Variants in TNIK observed in about 807,000 individuals in gnomAD.
The protein encoded by TNIK is TRAF2 and NCK interacting kinase, also known as TRAF2 and NCK-interacting protein kinase.
TNIK carries 49 observed loss-of-function variants against 191.3 expected under a neutral mutation model. The ratio of observed to expected loss-of-function variants is 0.26; its 90% CI spans 0.20 to 0.32. The LOEUF (loss-of-function observed/expected upper bound fraction) is 0.32. Among genes scored for constraint, TNIK ranks in the 10% least tolerant of loss-of-function variants. The pLI is 1.00. For synonymous variants in TNIK, 594 were observed against 600.9 expected, an observed-to-expected ratio of 0.99 and a Z score of 0.17; for missense variants, 1,155 against 1,702.3, an observed-to-expected ratio of 0.68 and a Z score of 5.66.
chr3:171,351,180 C>T lies in TNIK; in HGVS notation c.123+18440G>A, dbSNP rs1211408629. Among the ~76,000 whole-genome samples the T allele has an allele frequency of 2.0e-5, 3 of 151,828 alleles. No homozygotes were observed. In the East Asian group the frequency reaches 5.8e-4, roughly 29 times the overall value. ...CGCTAGGATTACAGGCCTGAGCCAC[C>T]ATGGCTGGGCTGCCCTATGTATTCT... On this transcript the variant is annotated intron_variant, in intron 2 of 32. Transcript: ENST00000436636.
At chr3:171,369,000 G>A (rs911030572) in intron 2 of TNIK, among the ~76,000 whole-genome samples, 4 of 150,032 alleles carry the variant, frequency 2.7e-5, no homozygotes, top group African/African-American at 4.9e-5. Context: ...GCCATTTTTC[G>A]TAGATTATAC....
At chr3:171,131,463 C>G (rs1729281232) in intron 15 of TNIK, among the ~76,000 whole-genome samples, 1 of 141,516 alleles carries the variant, frequency 7.1e-6, no homozygotes, top group South Asian at 2.5e-4. Context: ...TAATGTACTT[C>G]TAGTAAAAAT....
intron 9 of TNIK, among the ~76,000 whole-genome samples, chr3:171,168,703 T>C (rs548278733): frequency 1.3e-5 from 2 of 152,352 alleles, no homozygotes; most frequent in South Asian, 4.1e-4. Flanking sequence ...GGCCACACTG[T>C]GGACTAGAAA....
chr3:171,309,101 T>C (rs1753756065), intron 2 of TNIK, among the ~76,000 whole-genome samples: 1 of 152,104 alleles, frequency 6.6e-6, no homozygotes, highest in Non-Finnish European at 1.5e-5. Flanking sequence ...CATGCACATG[T>C]TATGATCACT....
intron 3 of TNIK, among the ~76,000 whole-genome samples, chr3:171,223,758 C>T (rs551147320): frequency 2.4e-4 from 37 of 152,202 alleles, no homozygotes; most frequent in African/African-American, 8.4e-4. Flanking sequence ...GTGTTAGCTA[C>T]CATTATTATT....
intron 8 of TNIK, among the ~76,000 whole-genome samples, 170 bp downstream of exon 8, chr3:171,177,155 AT>A (rs1437704989): frequency 6.6e-6 from 1 of 151,948 alleles, no homozygotes; most frequent in African/African-American, 2.4e-5. Flanking sequence ...CTGCTCTGAA[AT>A]GAATGGATTC....
chr3:171,214,086 T>C (rs940049430), intron 3 of TNIK, among the ~76,000 whole-genome samples: 1 of 152,098 alleles, frequency 6.6e-6, no homozygotes, highest in Admixed American at 6.6e-5. Flanking sequence ...TTCTAAAATA[T>C]AAATCCTTGA....
intron 7 of TNIK, among the ~76,000 whole-genome samples, chr3:171,181,836 A>C (rs1000097876): frequency 2.0e-5 from 3 of 152,220 alleles, no homozygotes; most frequent in African/African-American, 7.2e-5. Flanking sequence ...TAAGAAACGT[A>C]AGTACAGACA....
At chr3:171,243,825 G>A (rs1745265404) in intron 2 of TNIK, among the ~76,000 whole-genome samples, 1 of 151,806 alleles carries the variant, frequency 6.6e-6, no homozygotes, top group Admixed American at 6.6e-5. Context: ...TCTTATTTGG[G>A]GGAAGACACC....
intron 2 of TNIK, among the ~76,000 whole-genome samples, chr3:171,258,344 C>T (rs1747149720): frequency 6.6e-6 from 1 of 152,190 alleles, no homozygotes; most frequent in South Asian, 2.1e-4. Context: ...TAAAGAGCTA[C>T]ACTATCTCAC....
At chr3:171,273,049 C>T (rs1337615425) in intron 2 of TNIK, among the ~76,000 whole-genome samples, 1 of 152,194 alleles carries the variant, frequency 6.6e-6, no homozygotes, top group Non-Finnish European at 1.5e-5. Context: ...CCCATGGCTG[C>T]TAGGGCCAGT....
At chr3:171,154,817 T>C (rs543464188) in intron 12 of TNIK, among the ~76,000 whole-genome samples, 76 of 152,364 alleles carry the variant, frequency 5.0e-4, no homozygotes, top group African/African-American at 1.8e-3. Context: ...TTATAGGTTG[T>C]ACTTCAACAA....
At chr3:171,381,056 A>G (rs1194687511) in intron 1 of TNIK, among the ~76,000 whole-genome samples, 1 of 134,478 alleles carries the variant, frequency 7.4e-6, no homozygotes, top group Non-Finnish European at 1.6e-5. Context: ...CTTCATTTGC[A>G]TCTATTTTTT....
chr3:171,234,703 GA>G (rs528022088), intron 2 of TNIK, among the ~76,000 whole-genome samples: 3 of 152,214 alleles, frequency 2.0e-5, no homozygotes, highest in African/African-American at 7.2e-5. Flanking sequence ...TGCTTAAAGG[GA>G]AAAAAATCAA....
At chr3:171,088,753 G>A (rs1377191624) in intron 23 of TNIK, among the ~76,000 whole-genome samples, 8 of 152,218 alleles carry the variant, frequency 5.3e-5, no homozygotes, top group Non-Finnish European at 1.2e-4. Context: ...AAAAGCCAGT[G>A]CCCACATTGT....
chr3:171,143,022 A>G (rs184718166), intron 12 of TNIK, among the ~76,000 whole-genome samples: 1 of 152,300 alleles, frequency 6.6e-6, no homozygotes, highest in Admixed American at 6.5e-5. Context: ...CAAGGTGTAT[A>G]CAGTATTGAT....
At chr3:171,236,120 T>C (rs1321186417) in intron 2 of TNIK, among the ~76,000 whole-genome samples, 1 of 150,172 alleles carries the variant, frequency 6.7e-6, no homozygotes, top group Admixed American at 6.7e-5. Context: ...TAACATTGCC[T>C]GGGACAGCGT....
intron 2 of TNIK, among the ~76,000 whole-genome samples, chr3:171,337,969 A>AT (rs1757125244): frequency 6.6e-6 from 1 of 152,212 alleles, no homozygotes; most frequent in Non-Finnish European, 1.5e-5. Context: ...CATAAGCAGA[A>AT]GGGAGAGAAG....
intron 22 of TNIK, among the ~76,000 whole-genome samples, chr3:171,100,748 A>G (rs1353509430): frequency 7.5e-5 from 3 of 39,792 alleles, no homozygotes; most frequent in Non-Finnish European, 2.3e-4. Flanking sequence ...CTCACCTTGA[A>G]AAAAAAAAAA....
Sources: allele counts gnomAD v4.1 joint callset (sites outside exome capture counted in the v4.1 genomes callset), GRCh38; gene constraint gnomAD v4.1.1; transcripts MANE v1.5; gene names NCBI Gene and HGNC (gene_info 2026-07-23, HGNC 2026-07-21).